ADCY10: variants seen among roughly 807,000 people sequenced by gnomAD.
ADCY10 encodes the protein adenylate cyclase 10.
ADCY10 carries 156 observed loss-of-function variants against 183.3 expected under a neutral mutation model. The ratio of observed to expected loss-of-function variants is 0.85; its 90% CI spans 0.75 to 0.97. The LOEUF (loss-of-function observed/expected upper bound fraction) is 0.97, where lower values mean the gene tolerates loss of function less well. Among genes scored for constraint, ADCY10 ranks in the 50% least tolerant of loss-of-function variants. The probability of loss-of-function intolerance (pLI) is 0.00; values close to 1 mark genes in which losing one functional copy is unlikely to be tolerated. For synonymous variants in ADCY10, 645 were observed against 670.0 expected (o/e 0.96, Z 0.58); for missense variants, 1,745 against 1,934.3 (o/e 0.90, Z 1.84).
intron 21 of ADCY10, among the ~76,000 whole-genome samples, chr1:167,845,295 G>A (rs1664922826): frequency 6.6e-6 from 1 of 152,142 alleles, no homozygotes; most frequent in Admixed American, 6.5e-5. Flanking sequence ...ATTTTAGTTT[G>A]AGTTCTGGTC....
At position 167,858,413 on chromosome 1, in the gene ADCY10, G is replaced by A. The variant is rs184894304; in HGVS notation, c.1896+1394C>T. On this transcript the variant is annotated intron_variant, in intron 16 of 32. Coordinates refer to ENST00000367851, the MANE Select transcript of ADCY10 (RefSeq NM_018417.6). ...GTCGGGAGGCTGAGGCAGGAGAATC[G>A]CTTGAACCTGGGAGGTGGAGGTCTC... Among the ~76,000 whole-genome samples, 105 of 146,976 alleles carry A rather than the reference G, an allele frequency of 7.1e-4. 1 individual carries two copies. The East Asian group carries it at 0.014, about 19-fold the overall frequency.
At chr1:167,893,042 G>C (rs966470322) in intron 8 of ADCY10, among the ~76,000 whole-genome samples, 4 of 152,178 alleles carry the variant, frequency 2.6e-5, no homozygotes, top group African/African-American at 9.7e-5. Context: ...AGTGATAAGA[G>C]ATAGTTATAA....
intron 3 of ADCY10, among the ~76,000 whole-genome samples, chr1:167,903,348 G>T (rs886664378): frequency 5.9e-5 from 9 of 151,994 alleles, no homozygotes; most frequent in African/African-American, 2.2e-4. Flanking sequence ...TGGATCACTT[G>T]AGGTCAGGAG....
chr1:167,863,533 C>T (rs113477504), intron 14 of ADCY10, among the ~76,000 whole-genome samples: 10 of 152,264 alleles, frequency 6.6e-5, no homozygotes, highest in African/African-American at 2.2e-4. Context: ...TTCACTATCT[C>T]GGTGTCTGAG....
intron 13 of ADCY10, among the ~76,000 whole-genome samples, chr1:167,873,465 G>A (rs74120521): frequency 1.3e-5 from 2 of 152,130 alleles, no homozygotes; most frequent in Admixed American, 6.5e-5. Context: ...CCTTGACACA[G>A]TTAGGACCAA....
chr1:167,889,347 C>T (rs1668450425), intron 8 of ADCY10, among the ~76,000 whole-genome samples: 1 of 152,044 alleles, frequency 6.6e-6, no homozygotes, highest in African/African-American at 2.4e-5. Context: ...GGTTTTTGTC[C>T]TTCATTCTGT....
chr1:167,901,233 T>C (rs1006158486), intron 5 of ADCY10, among the ~76,000 whole-genome samples: 1 of 152,200 alleles, frequency 6.6e-6, no homozygotes, highest in African/African-American at 2.4e-5. Context: ...GTTAAGCTTT[T>C]CCTACACCTC....
chr1:167,848,282 C>G, intron 19 of ADCY10, 79 bp downstream of exon 19: 1 of 1,237,116 alleles, frequency 8.1e-7, no homozygotes. Context: ...AACTCCTGAC[C>G]TTGTGATCCG....
rs12738000 is a variant in ADCY10 at position 167,829,104 on chromosome 1, G to A, written c.3750+163C>T. Among the ~76,000 whole-genome samples, 13,320 of 152,208 alleles carry A rather than the reference G, an allele frequency of 0.088. 664 individuals carry two copies. The highest frequency in any genetic ancestry group is 0.12 in the Middle Eastern group (36 of 294). On this transcript the variant is annotated intron_variant, in intron 26 of 32. Transcript: ENST00000367851. ...ATTTTTAAGAGTGTGAAGTGATCCT[G>A]GAGCCAAAGTGTTTGAGAACTGCTG...
chr1:167,911,815 G>A (rs1344539406), intron 1 of ADCY10, among the ~76,000 whole-genome samples: 2 of 152,188 alleles, frequency 1.3e-5, no homozygotes, highest in African/African-American at 2.4e-5. Flanking sequence ...TGAATTAGAT[G>A]ATTGTTAAGA....
Position 167,834,093 on chromosome 1 carries a change from G to C in ADCY10, c.3310-16C>G. 1 of 1,594,930 alleles carries C rather than the reference G, an allele frequency of 6.3e-7. No homozygotes were observed. The highest frequency in any genetic ancestry group is 8.6e-7 in the Non-Finnish European group (1 of 1,162,900). On this transcript the variant is annotated splice_polypyrimidine_tract_variant and intron_variant, in intron 23 of 32. Transcript: ENST00000367851. ...ACATGTATGCCTGTAACCAGCCCAA[G>C]GAGTAGAAAAGTGTTGATTCAGCAG...
intron 2 of ADCY10, 134 bp from the exon 3 acceptor site, chr1:167,904,125 T>C: frequency 1.7e-6 from 1 of 592,992 alleles, no homozygotes; most frequent in East Asian, 3.1e-5. Context: ...TCTTGCTTTG[T>C]AGCCCAGGCT....
chr1:167,878,365 T>A, intron 12 of ADCY10, 81 bp downstream of exon 12: 1 of 1,511,906 alleles, frequency 6.6e-7, no homozygotes, highest in Non-Finnish European at 9.2e-7. Flanking sequence ...GCTCCAAATC[T>A]TAAATGGGTG....
At chr1:167,810,064 C>T (rs1006524036) in intron 32 of ADCY10, among the ~76,000 whole-genome samples, 5 of 152,182 alleles carry the variant, frequency 3.3e-5, no homozygotes, top group Admixed American at 1.3e-4. Flanking sequence ...GAGTATAGGG[C>T]TCTGTGCTAG....
At chr1:167,826,513 T>C (rs1485305617) in intron 26 of ADCY10, among the ~76,000 whole-genome samples, 1 of 152,216 alleles carries the variant, frequency 6.6e-6, no homozygotes, top group African/African-American at 2.4e-5. Flanking sequence ...GCCACCTTGA[T>C]GACAAATGTC....
Position 167,896,570 on chromosome 1 carries a change from G to A in ADCY10, c.739+25C>T, listed in dbSNP as rs552768226. The stretch of plus-strand genomic sequence containing the variant: ...CTACTGACCACTGGTAGAGGCAAAG[G>A]CATTTTTCCATGGTGGGTACTTACT... On this transcript the variant is annotated intron_variant, in intron 7 of 32. Transcript: ENST00000367851. The A allele has an allele frequency of 3.2e-5, 50 of 1,562,094 alleles. No individual in the cohort carries two copies. The South Asian group carries it at 5.2e-4, about 16-fold the overall frequency.
chr1:167,878,727 C>G, intron 11 of ADCY10, 92 bp from the exon 12 acceptor site: 1 of 1,248,204 alleles, frequency 8.0e-7, no homozygotes, highest in Non-Finnish European at 1.2e-6. Flanking sequence ...AGCATTTTTA[C>G]CCTTTACTCC....
chr1:167,820,121 C>T lies in ADCY10; in HGVS notation c.4287-1854G>A, dbSNP rs182948774. 2.5e-4 allele frequency: 383 copies of T among 1,560,344 alleles called. No homozygotes were observed. The African/African-American group carries it at 4.2e-3, about 17-fold the overall frequency. ...CCTGACATCAACGTTTCCTTTTGGA[C>T]CATGACTCAGCTTTTTGGATCCCTT... On this transcript the variant is annotated intron_variant, in intron 30 of 32. Transcript: ENST00000367851.
chr1:167,883,164 A>G (rs1667987090), intron 9 of ADCY10, among the ~76,000 whole-genome samples: 1 of 152,168 alleles, frequency 6.6e-6, no homozygotes, highest in Non-Finnish European at 1.5e-5. Flanking sequence ...CAGCCTCCTG[A>G]GTAGCTGAGA....
Sources: gnomAD v4.1 joint callset for allele counts (sites outside exome capture counted in the v4.1 genomes callset) on GRCh38, gnomAD v4.1.1 for gene constraint, MANE v1.5 for transcripts, NCBI Gene and HGNC (gene_info 2026-07-23, HGNC 2026-07-21) for gene names.